The following PRR16 variants were observed in gnomAD, a reference collection of about 807,000 sequenced individuals.
PRR16 encodes proline rich 16, also known as protein Largen.
A neutral mutation model predicts 18.2 loss-of-function variants in PRR16; 6 were observed. The ratio of observed to expected loss-of-function variants is 0.33; its 90% CI spans 0.18 to 0.65. The LOEUF (loss-of-function observed/expected upper bound fraction) is 0.65, where lower values mean the gene tolerates loss of function less well. Ranked by LOEUF, PRR16 falls within the 30% of genes least tolerant of loss-of-function variation. The pLI is 0.74. For synonymous variants in PRR16, 151 were observed against 147.8 expected, an observed-to-expected ratio of 1.02 and a Z score of -0.16; for missense variants, 412 against 376.6, an observed-to-expected ratio of 1.09 and a Z score of -0.78.
chr5:120,766,011 G>GATA, the PRR16 span, among the ~76,000 whole-genome samples: 1 of 152,050 alleles, frequency 6.6e-6, no homozygotes, highest in East Asian at 1.9e-4. Flanking sequence ...AGTGTTTATA[G>GATA]GTATAGTTAA....
intron 1 of PRR16, among the ~76,000 whole-genome samples, chr5:120,477,954 A>G (rs1156483163): frequency 6.6e-6 from 1 of 152,218 alleles, no homozygotes; most frequent in Non-Finnish European, 1.5e-5. Flanking sequence ...TGAATGCTGC[A>G]GCATTTCCTG....
the PRR16 span, among the ~76,000 whole-genome samples, chr5:120,783,003 C>G: frequency 6.6e-6 from 1 of 152,140 alleles, no homozygotes; most frequent in African/African-American, 2.4e-5. Flanking sequence ...GAAGAACTTA[C>G]TCAAAGTTCA....
At chr5:120,709,865 T>G in the PRR16 span, among the ~76,000 whole-genome samples, 1 of 152,242 alleles carries the variant, frequency 6.6e-6, no homozygotes, top group Non-Finnish European at 1.5e-5. Context: ...TATCACATTT[T>G]CTTTATAAAT....
At chr5:120,636,941 A>T (rs1332153333) in intron 1 of PRR16, among the ~76,000 whole-genome samples, 2 of 152,094 alleles carry the variant, frequency 1.3e-5, no homozygotes, top group East Asian at 3.9e-4. Flanking sequence ...AACAAATTGC[A>T]AGAAAAAAAT....
intron 1 of PRR16, among the ~76,000 whole-genome samples, chr5:120,556,304 A>C (rs1299843158): frequency 7.0e-6 from 1 of 141,914 alleles, no homozygotes; most frequent in East Asian, 2.1e-4. Context: ...ACCATTGACT[A>C]TCTGGAGGTC....
At chr5:120,697,726 C>T in the PRR16 span, among the ~76,000 whole-genome samples, 1 of 151,828 alleles carries the variant, frequency 6.6e-6, no homozygotes, top group African/African-American at 2.4e-5. Flanking sequence ...GGGGTTTGTT[C>T]TCTGGCGGGC....
At chr5:120,755,221 A>T in the PRR16 span, among the ~76,000 whole-genome samples, 2 of 152,020 alleles carry the variant, frequency 1.3e-5, no homozygotes, top group East Asian at 1.9e-4. Flanking sequence ...ATCTAAAAAA[A>T]ATAAAAAATA....
chr5:120,621,538 C>T (rs1754689720), intron 1 of PRR16, among the ~76,000 whole-genome samples: 1 of 152,078 alleles, frequency 6.6e-6, no homozygotes, highest in Admixed American at 6.6e-5. Flanking sequence ...TGCATCCCAA[C>T]CTAAATCTCT....
At chr5:120,528,629 T>TG (rs1166555344) in intron 1 of PRR16, among the ~76,000 whole-genome samples, 1 of 152,074 alleles carries the variant, frequency 6.6e-6, no homozygotes, top group East Asian at 1.9e-4. Flanking sequence ...TGGGGAAGGA[T>TG]GGGGGACCTC....
the PRR16 span, among the ~76,000 whole-genome samples, chr5:120,787,763 CGTAA>C: frequency 6.6e-6 from 1 of 151,972 alleles, no homozygotes; most frequent in Non-Finnish European, 1.5e-5. Context: ...AAATATGGAG[CGTAA>C]GTACTTCCTC....
intron 1 of PRR16, among the ~76,000 whole-genome samples, chr5:120,598,799 A>G (rs1753893531): frequency 1.3e-5 from 2 of 151,844 alleles, no homozygotes; most frequent in African/African-American, 4.8e-5. Context: ...TATGGTGTTT[A>G]TATGCCACAT....
chr5:120,601,567 C>T (rs1450595668), intron 1 of PRR16, among the ~76,000 whole-genome samples: 1 of 151,714 alleles, frequency 6.6e-6, no homozygotes, highest in African/African-American at 2.4e-5. Context: ...TCTTTAGTTT[C>T]TTTAAGTCCC....
chr5:120,615,246 T>C (rs1429545482), intron 1 of PRR16, among the ~76,000 whole-genome samples: 1 of 152,152 alleles, frequency 6.6e-6, no homozygotes, highest in Non-Finnish European at 1.5e-5. Context: ...ACATAGCTAA[T>C]GAGTCTGATT....
At chr5:120,662,502 T>G (rs922353965) in intron 1 of PRR16, among the ~76,000 whole-genome samples, 1 of 152,122 alleles carries the variant, frequency 6.6e-6, no homozygotes. Flanking sequence ...GTATATCTTA[T>G]GTATTTTTGT....
chr5:120,708,600 G>A, the PRR16 span, among the ~76,000 whole-genome samples: 10 of 152,118 alleles, frequency 6.6e-5, no homozygotes, highest in Admixed American at 6.5e-4. Context: ...AAGTGTAAAG[G>A]AGACACTTGT....
chr5:120,686,365 C>A lies in PRR16; in HGVS notation c.571C>A (p.Pro191Thr). 6.2e-7 allele frequency: 1 copy of A among 1,614,156 alleles called. No individual in the cohort carries two copies. The highest frequency in any genetic ancestry group is 1.3e-5 in the African/African-American group (1 of 75,048). Residue 191 changes from proline (P) to threonine (T), a missense_variant, in exon 2 of 2, where the codon CCT (proline) becomes ACT (threonine). Coordinates refer to ENST00000407149, the MANE Select transcript of PRR16 (RefSeq NM_001300783.2). ...TCCAGTCCAGCTTCTGATGCATAGA[C>A]CTGAAAAAGACAGATGTCCCCAGGC... The part of the protein sequence containing the change: ...KAPVQLLMHR[P>T]EKDRCPQAGP...
chr5:120,730,683 T>G, the PRR16 span, among the ~76,000 whole-genome samples: 1 of 152,058 alleles, frequency 6.6e-6, no homozygotes, highest in Admixed American at 6.6e-5. Flanking sequence ...CTTAAGGTAA[T>G]AGGATAGTTT....
At chr5:120,574,906 A>T (rs1561553207) in intron 1 of PRR16, among the ~76,000 whole-genome samples, 1 of 148,692 alleles carries the variant, frequency 6.7e-6, no homozygotes, top group African/African-American at 2.6e-5. Flanking sequence ...TACATAACAA[A>T]GGAATTTGTT....
intron 1 of PRR16, among the ~76,000 whole-genome samples, chr5:120,569,477 C>G (rs1018148968): frequency 6.6e-6 from 1 of 152,060 alleles, no homozygotes; most frequent in Non-Finnish European, 1.5e-5. Flanking sequence ...GTAATACGCA[C>G]AGATGCAGTG....
Sources: gnomAD v4.1 joint callset for allele counts (sites outside exome capture counted in the v4.1 genomes callset) on GRCh38, gnomAD v4.1.1 for gene constraint, MANE v1.5 for transcripts, NCBI Gene and HGNC (gene_info 2026-07-23, HGNC 2026-07-21) for gene names.